The following PLEKHG1 variants were observed in gnomAD, a reference collection of about 807,000 sequenced individuals.
PLEKHG1 encodes pleckstrin homology domain-containing family G member 1.
A neutral mutation model predicts 100.8 loss-of-function variants in PLEKHG1; 44 were observed. The observed-to-expected ratio is 0.44, with a 90% CI of 0.34 to 0.56. The LOEUF (loss-of-function observed/expected upper bound fraction) is 0.56. Ranked by LOEUF, PLEKHG1 falls within the 20% of genes least tolerant of loss-of-function variation. PLEKHG1 has a pLI of 0.01. For missense variants in PLEKHG1, 1,545 were observed against 1,720.9 expected (o/e 0.90, Z 1.81); for synonymous variants, 640 against 662.5 (o/e 0.97, Z 0.52).
intron 3 of PLEKHG1, among the ~76,000 whole-genome samples, chr6:150,701,417 TTATATATATATATATATATATA>T (rs56982419): frequency 0.013 from 409 of 31,164 alleles, 13 homozygotes; most frequent in Middle Eastern, 0.024. Context: ...CAGTAATTCT[TTATATATATATATATATATATA>T]TATATATATA....
intron 2 of PLEKHG1, among the ~76,000 whole-genome samples, chr6:150,767,436 G>T (rs957494054): frequency 2.6e-5 from 4 of 152,194 alleles, no homozygotes; most frequent in Non-Finnish European, 4.4e-5. Context: ...ATTGGTTTAT[G>T]CATGACAATG....
chr6:150,704,500 A>G (rs1780927110), intron 3 of PLEKHG1, among the ~76,000 whole-genome samples: 1 of 152,208 alleles, frequency 6.6e-6, no homozygotes, highest in African/African-American at 2.4e-5. Context: ...CATTGGGATG[A>G]TGGACTAGGG....
chr6:150,680,266 G>T (rs1007171151), intron 3 of PLEKHG1, among the ~76,000 whole-genome samples: 7 of 152,170 alleles, frequency 4.6e-5, no homozygotes, highest in Non-Finnish European at 8.8e-5. Context: ...AAGAAGTAAA[G>T]AAATTGACTA....
chr6:150,671,110 T>TATATATAC (rs1491586627), intron 3 of PLEKHG1, among the ~76,000 whole-genome samples: 2 of 121,962 alleles, frequency 1.6e-5, no homozygotes, highest in African/African-American at 3.2e-5. Context: ...TATATATATA[T>TATATATAC]ACACACACAC....
intron 2 of PLEKHG1, among the ~76,000 whole-genome samples, chr6:150,748,222 T>G (rs1177859681): frequency 2.0e-5 from 3 of 152,214 alleles, no homozygotes; most frequent in Non-Finnish European, 4.4e-5. Flanking sequence ...ATTGTTTTCC[T>G]TCTTACGGCT....
At chr6:150,779,209 G>A (rs1355608646) in intron 3 of PLEKHG1, among the ~76,000 whole-genome samples, 1 of 152,092 alleles carries the variant, frequency 6.6e-6, no homozygotes, top group African/African-American at 2.4e-5. Context: ...ATTCACAGAT[G>A]AGGTACACCT....
Position 150,810,405 on chromosome 6 carries a change from C to T in PLEKHG1, c.1278+671C>T, listed in dbSNP as rs1373754008. 4.0e-5 allele frequency among the ~76,000 whole-genome samples: 6 copies of T among 150,858 alleles called. 1 individual carries two copies. The highest frequency in any genetic ancestry group is 2.0e-4 in the East Asian group (1 of 4,960). On this transcript the variant is annotated intron_variant, in intron 10 of 15. Transcript: ENST00000358517. ...ACCCGAGTAGCTGGGACTACAGGTGCGCACCACCACACCTGGCTAAATTTT... is the reference window on the plus strand; with the variant it reads ...ACCCGAGTAGCTGGGACTACAGGTGTGCACCACCACACCTGGCTAAATTTT...
At chr6:150,817,783 C>A (rs897429713) in intron 10 of PLEKHG1, among the ~76,000 whole-genome samples, 2 of 151,976 alleles carry the variant, frequency 1.3e-5, no homozygotes, top group Middle Eastern at 3.2e-3. Context: ...GTCTTGAACT[C>A]CTGACCTTGT....
chr6:150,655,095 G>A (rs1305144763), intron 3 of PLEKHG1, among the ~76,000 whole-genome samples: 1 of 152,200 alleles, frequency 6.6e-6, no homozygotes, highest in African/African-American at 2.4e-5. Flanking sequence ...TTCAGAAAAT[G>A]TGCAGATTAA....
chr6:150,612,304 T>G (rs1410363244), intron 1 of PLEKHG1, among the ~76,000 whole-genome samples: 2 of 152,050 alleles, frequency 1.3e-5, no homozygotes, highest in Non-Finnish European at 2.9e-5. Context: ...ACATTGAATG[T>G]GTGTTTTTTT....
chr6:150,679,443 G>A (rs1266778065), intron 3 of PLEKHG1, among the ~76,000 whole-genome samples: 1 of 152,162 alleles, frequency 6.6e-6, no homozygotes. Context: ...TCTCTTTGAA[G>A]AATCCATAAA....
At chr6:150,837,860 G>A (rs754933606) in intron 15 of PLEKHG1, among the ~76,000 whole-genome samples, 4 of 152,306 alleles carry the variant, frequency 2.6e-5, no homozygotes, top group Non-Finnish European at 4.4e-5. Flanking sequence ...TCTTTACTGC[G>A]CCTTTTATGG....
At chr6:150,746,933 A>G (rs1490235474) in intron 2 of PLEKHG1, among the ~76,000 whole-genome samples, 1 of 152,212 alleles carries the variant, frequency 6.6e-6, no homozygotes, top group African/African-American at 2.4e-5. Flanking sequence ...CTGTAACTGC[A>G]AAGTTCCTTT....
chr6:150,634,008 G>A (rs1020786777), intron 1 of PLEKHG1, among the ~76,000 whole-genome samples: 23 of 147,624 alleles, frequency 1.6e-4, no homozygotes, highest in African/African-American at 4.7e-4. Flanking sequence ...TTGGGAGGCC[G>A]AGGCAGGCGA....
At chr6:150,679,220 C>T (rs905957390) in intron 3 of PLEKHG1, among the ~76,000 whole-genome samples, 4 of 152,120 alleles carry the variant, frequency 2.6e-5, no homozygotes, top group East Asian at 3.8e-4. Flanking sequence ...TTTTCTGAGT[C>T]GCTCTGTTCT....
chr6:150,701,468 A>ATATATATAT (rs1780787291), intron 3 of PLEKHG1, among the ~76,000 whole-genome samples: 4 of 44,086 alleles, frequency 9.1e-5, no homozygotes, highest in Non-Finnish European at 9.3e-5. Flanking sequence ...TATATATATA[A>ATATATATAT]TTATACTTTA....
At chr6:150,663,972 G>A (rs988980671) in intron 3 of PLEKHG1, 33 of 152,164 alleles carry the variant, frequency 2.2e-4, no homozygotes, top group African/African-American at 7.7e-4. Context: ...TACTGTGATA[G>A]CAACTCTTAC....
chr6:150,685,484 T>C (rs73010188), intron 3 of PLEKHG1, among the ~76,000 whole-genome samples: 29,464 of 152,058 alleles, frequency 0.19, 2,913 homozygotes, highest in South Asian at 0.26. Context: ...AGGACATGTG[T>C]CTCTCATCAA....
intron 3 of PLEKHG1, among the ~76,000 whole-genome samples, chr6:150,773,966 G>A (rs779494419): frequency 4.6e-5 from 7 of 151,976 alleles, no homozygotes; most frequent in Non-Finnish European, 1.0e-4. Context: ...AGCTTTTGAT[G>A]TTATTTGGAC....
Sources: gnomAD v4.1 joint callset for allele counts (sites outside exome capture counted in the v4.1 genomes callset) on GRCh38, gnomAD v4.1.1 for gene constraint, MANE v1.5 for transcripts, NCBI Gene and HGNC (gene_info 2026-07-23, HGNC 2026-07-21) for gene names.